CNNM3: variants seen among roughly 807,000 people sequenced by gnomAD.
CNNM3 encodes the protein cyclin and CBS domain divalent metal cation transport mediator 3.
CNNM3 carries 47 observed loss-of-function variants against 57.1 expected under a neutral mutation model. That is an observed-to-expected ratio of 0.82 (90% CI 0.65 to 1.05). The LOEUF is 1.05. CNNM3 is among the 50% of genes least tolerant of loss of function. CNNM3 has a pLI of 0.00. For synonymous variants in CNNM3, 507 were observed against 478.2 expected (o/e 1.06, Z -0.79); for missense variants, 957 against 973.7 (o/e 0.98, Z 0.23).
In CNNM3 at chr2:96,834,542, T is replaced by TTG. The variant is rs2079659349; in HGVS notation, c.*1926_*1927insTG. ...TTAATTTTTTTTTGTAGAGATAGGG[T>TTG]CTCATTATGTTGCCTGGGGTAGTCT... On this transcript the variant is annotated 3_prime_UTR_variant, in exon 8 of 8. Transcript: ENST00000305510. 6.6e-6 allele frequency among the ~76,000 whole-genome samples: 1 copy of TTG among 150,962 alleles called. No individual in the cohort carries two copies. Among genetic ancestry groups the TTG allele is most frequent in the Admixed American group, 6.6e-5 (1 of 15,154 alleles).
downstream of CNNM3, among the ~76,000 whole-genome samples, chr2:96,835,420 A>G (rs1257650677): frequency 1.3e-5 from 2 of 151,894 alleles, no homozygotes; most frequent in African/African-American, 4.8e-5. Context: ...GAGGAGTGTA[A>G]ATGCTTGGTC....
In CNNM3 at chr2:96,834,855, T is replaced by C. The variant is rs1439494543; in HGVS notation, c.*2239T>C. Among the ~76,000 whole-genome samples the C allele has an allele frequency of 6.6e-6, 1 of 152,230 alleles. No homozygotes were observed. Among genetic ancestry groups the C allele is most frequent in the Non-Finnish European group, 1.5e-5 (1 of 68,048 alleles). The stretch of plus-strand genomic sequence containing the variant: ...CACTTAGAGCTGTTGCTTTCTTTTT[T>C]CCTAACTTTATATTTTGAAATAATT... On this transcript the variant is annotated 3_prime_UTR_variant, in exon 8 of 8. Transcript: ENST00000305510.
At chr2:96,824,759 T>C in intron 1 of CNNM3, 1 of 390,294 alleles carries the variant, frequency 2.6e-6, no homozygotes, top group Non-Finnish European at 4.8e-6. Context: ...ACTGCATCCA[T>C]GTCATGGAGG....
At chr2:96,828,030 CCTT>C in intron 4 of CNNM3, 66 bp from the exon 5 acceptor site, 1 of 1,575,252 alleles carries the variant, frequency 6.3e-7, no homozygotes, top group East Asian at 2.2e-5. Flanking sequence ...GTGGGTTTCT[CCTT>C]CCGCTGTCTT....
chr2:96,836,831 T>C (rs568804955), downstream of CNNM3: 1 of 151,214 alleles, frequency 6.6e-6, no homozygotes, highest in Non-Finnish European at 1.5e-5. Flanking sequence ...AGGTTATCTG[T>C]TTTTTCCTAA....
At chr2:96,826,644 T>C (rs1456944897) in intron 2 of CNNM3, among the ~76,000 whole-genome samples, 189 bp from the exon 3 acceptor site, 1 of 152,200 alleles carries the variant, frequency 6.6e-6, no homozygotes, top group African/African-American at 2.4e-5. Context: ...CCCCTCTCTC[T>C]GTGTGGTTGG....
chr2:96,816,684 C>T lies in CNNM3; in HGVS notation c.407C>T (p.Ala136Val). The T allele has an allele frequency of 3.9e-6, 4 of 1,022,272 alleles. No individual in the cohort carries two copies. The South Asian group carries it at 1.8e-4, about 45-fold the overall frequency. 63.3% of individuals were successfully genotyped at this position (1,022,272 alleles called of 1,614,324 possible). Residue 136 changes from alanine to valine, a missense_variant, in exon 1 of 8, where the codon GCT becomes GTT. Coordinates refer to ENST00000305510, the MANE Select transcript of CNNM3 (RefSeq NM_017623.5). ...GCTGAGGAGGCGGCGCCGCCCTGGG[C>T]TCTGGGCCTGGGGGCGGCCGGGCTG... ...GAAEEAAPPW[A>V]LGLGAAGLLA...
intron 1 of CNNM3, chr2:96,824,826 C>T: frequency 1.8e-6 from 1 of 545,586 alleles, no homozygotes; most frequent in South Asian, 2.2e-5. Flanking sequence ...GGGCCTTGTG[C>T]AGATGGGCAT....
intron 7 of CNNM3, chr2:96,829,433 T>TG (rs2079565276): frequency 5.7e-6 from 1 of 174,156 alleles, no homozygotes; most frequent in Non-Finnish European, 1.1e-5. Flanking sequence ...CCTGAGTAGC[T>TG]GGGAATACAG....
downstream of CNNM3, chr2:96,837,270 T>C (rs2079702164): frequency 2.0e-5 from 3 of 152,386 alleles, no homozygotes; most frequent in South Asian, 2.1e-4. Context: ...GAACTGCATT[T>C]AACCTGTATG....
At chr2:96,819,871 G>T (rs865991081) in intron 1 of CNNM3, among the ~76,000 whole-genome samples, 2 of 152,222 alleles carry the variant, frequency 1.3e-5, no homozygotes, top group Non-Finnish European at 2.9e-5. Context: ...AACCGCCAGT[G>T]TCAGGATCTT....
In CNNM3 at chr2:96,819,316, GGTT is replaced by G. The variant is rs1248853279; in HGVS notation, c.1225+1815_1225+1817del. On this transcript the variant is annotated intron_variant, in intron 1 of 7. Coordinates refer to ENST00000305510, the MANE Select transcript of CNNM3 (RefSeq NM_017623.5). ...TTGCAACCCTGGAATCAGCGGAGTA[GGTT>G]CCATCCTGCCCTTGCCTGCCCCCAG... 3.9e-5 allele frequency among the ~76,000 whole-genome samples: 6 copies of G among 152,224 alleles called. 1 individual carries two copies. The highest frequency in any genetic ancestry group is 7.3e-5 in the Non-Finnish European group (5 of 68,042).
chr2:96,817,626 G>A, intron 1 of CNNM3, 124 bp downstream of exon 1: 1 of 925,148 alleles, frequency 1.1e-6, no homozygotes, highest in South Asian at 1.6e-5. Context: ...AGACCTCTAA[G>A]GTCCCTTTTC....
intron 1 of CNNM3, among the ~76,000 whole-genome samples, chr2:96,822,469 C>G (rs1181052564): frequency 6.6e-6 from 1 of 152,092 alleles, no homozygotes; most frequent in East Asian, 1.9e-4. Context: ...ACCACCATCC[C>G]CAGCTAATTT....
intron 6 of CNNM3, 128 bp from the exon 7 acceptor site, chr2:96,828,868 T>G: frequency 6.7e-7 from 1 of 1,487,946 alleles, no homozygotes. Context: ...TTGACTCAGT[T>G]GCTCTTCTCT....
chr2:96,818,317 A>G (rs1234408434), intron 1 of CNNM3, among the ~76,000 whole-genome samples: 3 of 150,972 alleles, frequency 2.0e-5, no homozygotes, highest in Non-Finnish European at 4.4e-5. Context: ...ACTCCTGACC[A>G]GGTGATCCAC....
chr2:96,826,988 G>A lies in CNNM3; in HGVS notation c.1519+6G>A, dbSNP rs777617080. On this transcript the variant is annotated splice_donor_region_variant and intron_variant, in intron 3 of 7. Coordinates refer to ENST00000305510, the MANE Select transcript of CNNM3 (RefSeq NM_017623.5). ...CCAGCGCTTCCTGTCCCGAGGTGAG[G>A]CGGGAGGGTGGTCCATGCCCCCTGC... is the stretch of plus-strand genomic sequence containing the variant. 6.2e-7 allele frequency: 1 copy of A among 1,613,202 alleles called. No homozygotes were observed. Among genetic ancestry groups the A allele is most frequent in the Non-Finnish European group, 8.5e-7 (1 of 1,179,676 alleles).
Position 96,827,975 on chromosome 2 carries a change from A to G in CNNM3, c.1689+75A>G, listed in dbSNP as rs2079538216. The G allele has an allele frequency of 4.4e-6, 7 of 1,580,076 alleles. No individual in the cohort carries two copies. The Admixed American group carries it at 1.2e-4, about 27-fold the overall frequency. On this transcript the variant is annotated intron_variant, in intron 4 of 7. Coordinates refer to ENST00000305510, the MANE Select transcript of CNNM3 (RefSeq NM_017623.5). Reference sequence around the variant, plus strand: ...GAAGGGTCTAGGAGAAGAGGGGAGCAGGGGCATGCGGATATGCACCCTCCC... The same window carrying G: ...GAAGGGTCTAGGAGAAGAGGGGAGCGGGGGCATGCGGATATGCACCCTCCC...
At chr2:96,819,373 T>C (rs62152794) in intron 1 of CNNM3, among the ~76,000 whole-genome samples, 31,578 of 152,226 alleles carry the variant, frequency 0.21, 6,443 homozygotes, top group African/African-American at 0.53. Context: ...CCTCTTGTGG[T>C]GCAAAGTCCT....
Sources: allele counts gnomAD v4.1 joint callset (sites outside exome capture counted in the v4.1 genomes callset), GRCh38; gene constraint gnomAD v4.1.1; transcripts MANE v1.5; gene names NCBI Gene and HGNC (gene_info 2026-07-23, HGNC 2026-07-21).